POT1: variants seen among roughly 807,000 people sequenced by gnomAD.
POT1 encodes the protein protection of telomeres protein 1.
POT1 carries 47 observed loss-of-function variants against 78.5 expected under a neutral mutation model. The observed-to-expected ratio is 0.60, with a 90% confidence interval of 0.47 to 0.76. The LOEUF (loss-of-function observed/expected upper bound fraction) is 0.76, where lower values mean the gene tolerates loss of function less well. Among genes scored for constraint, POT1 ranks in the 30% least tolerant of loss-of-function variants. POT1 has a pLI of 0.00. For synonymous variants in POT1, 259 were observed against 260.7 expected (o/e 0.99, Z 0.06); for missense variants, 646 against 749.9 (o/e 0.86, Z 1.62).
chr7:124,926,037 T>C (rs774819651), intron 2 of POT1, among the ~76,000 whole-genome samples: 18 of 152,156 alleles, frequency 1.2e-4, no homozygotes, highest in Non-Finnish European at 1.3e-4. Flanking sequence ...CTTCTAGATA[T>C]TGGTTTAGGC....
intron 3 of POT1, among the ~76,000 whole-genome samples, chr7:124,908,534 A>G (rs1260547329): frequency 6.6e-6 from 1 of 151,930 alleles, no homozygotes; most frequent in African/African-American, 2.4e-5. Context: ...TGTATATGCT[A>G]TTCTCTCTTT....
intron 5 of POT1, among the ~76,000 whole-genome samples, chr7:124,896,539 A>C (rs1448583669): frequency 2.0e-5 from 3 of 151,586 alleles, no homozygotes; most frequent in African/African-American, 7.2e-5. Flanking sequence ...ATTTGAAACT[A>C]AAGGTTCAAA....
intron 15 of POT1, among the ~76,000 whole-genome samples, chr7:124,832,821 CA>C (rs36025106): frequency 0.45 from 51,565 of 113,988 alleles, 9,137 homozygotes; most frequent in East Asian, 0.53. Flanking sequence ...GACTTCATCT[CA>C]AAAAAAAAAA....
rs948824885 is a variant in POT1, at chr7:124,929,801, C to G, written c.-419G>C. The G allele has an allele frequency of 6.6e-6, 1 of 152,278 alleles. No individual in the cohort carries two copies. Among genetic ancestry groups the G allele is most frequent in the Non-Finnish European group, 1.5e-5 (1 of 68,094 alleles). 9.4% of individuals were successfully genotyped at this position (152,278 alleles called of 1,614,324 possible). On this transcript the variant is annotated 5_prime_UTR_variant, in exon 1 of 19. Transcript: ENST00000357628. ...CTTACAAATTTCACTCACCCGTACT[C>G]TAGAAAGAACCCTAGGAAGAGTTTA...
chr7:124,924,170 C>T (rs1320013596), intron 2 of POT1, among the ~76,000 whole-genome samples: 2 of 118,362 alleles, frequency 1.7e-5, no homozygotes, highest in East Asian at 5.0e-4. Flanking sequence ...AAAAAAAAAA[C>T]CCAAAGGATC....
chr7:124,902,585 A>G (rs1292751055), intron 3 of POT1, among the ~76,000 whole-genome samples: 1 of 152,244 alleles, frequency 6.6e-6, no homozygotes, highest in African/African-American at 2.4e-5. Context: ...CAAATTGTAA[A>G]GACCATTGAG....
intron 2 of POT1, among the ~76,000 whole-genome samples, chr7:124,926,038 T>TATA (rs1797264442): frequency 6.6e-6 from 1 of 152,148 alleles, no homozygotes; most frequent in South Asian, 2.1e-4. Flanking sequence ...TTCTAGATAT[T>TATA]GGTTTAGGCA....
At chr7:124,824,205 C>G in intron 18 of POT1, 131 bp from the exon 19 acceptor site, 1 of 574,336 alleles carries the variant, frequency 1.7e-6, no homozygotes, top group Non-Finnish European at 3.0e-6. Context: ...AAGTAAACGT[C>G]CCTTCCAAAT....
chr7:124,857,487 C>A (rs2116519732), intron 9 of POT1, among the ~76,000 whole-genome samples: 2 of 152,306 alleles, frequency 1.3e-5, no homozygotes, highest in East Asian at 3.9e-4. Context: ...CCATGGCCCA[C>A]CCCACCTGAC....
rs1219020074 is a variant in POT1 at position 124,867,655 on chromosome 7, T to A, written c.255+3256A>T. Among the ~76,000 whole-genome samples the A allele has an allele frequency of 2.0e-5, 3 of 151,606 alleles. No homozygotes were observed. The East Asian group carries it at 5.8e-4, about 29-fold the overall frequency. On this transcript the variant is annotated intron_variant, in intron 7 of 18. Coordinates refer to ENST00000357628, the MANE Select transcript of POT1 (RefSeq NM_015450.3). ...TTATTTTTATTTATTTATTTATTTATTATTTTTTTTGGATGGAGTCGTGCT... is the reference window on the plus strand; with the variant it reads ...TTATTTTTATTTATTTATTTATTTAATATTTTTTTTGGATGGAGTCGTGCT...
At chr7:124,878,088 T>C (rs943688878) in intron 6 of POT1, among the ~76,000 whole-genome samples, 1 of 151,988 alleles carries the variant, frequency 6.6e-6, no homozygotes, top group African/African-American at 2.4e-5. Context: ...CCCAGCATTT[T>C]AGGAGGCCAA....
chr7:124,883,146 T>C (rs1229076564), intron 6 of POT1, among the ~76,000 whole-genome samples: 1 of 152,088 alleles, frequency 6.6e-6, no homozygotes, highest in Non-Finnish European at 1.5e-5. Context: ...TATTTATTTT[T>C]TGACTCCTGA....
chr7:124,892,358 T>C lies in POT1; in HGVS notation c.32A>G (p.Tyr11Cys), dbSNP rs1796392612. 6.7e-7 allele frequency: 1 copy of C among 1,483,486 alleles called. No homozygotes were observed. Among genetic ancestry groups the C allele is most frequent in the Non-Finnish European group, 8.9e-7 (1 of 1,121,292 alleles). The allele number at this position is 1,483,486 out of a possible 1,614,324, so 91.9% of individuals were successfully genotyped here. ...ACCCTTAAGTTGATTCAGGGGTGTA[T>C]ATATATAATTTGTTGCTGGAACCTA... MSLVPATNYIYTPLNQLKGGT... is the reference protein window; with the variant it reads MSLVPATNYICTPLNQLKGGT... Residue 11 changes from tyrosine to cysteine, a missense_variant, in exon 6 of 19, where the codon TAT (tyrosine) becomes TGT (cysteine). Physicochemically the swap from Tyr to Cys is radical, Grantham distance 194. Coordinates refer to ENST00000357628, the MANE Select transcript of POT1 (RefSeq NM_015450.3).
Position 124,823,894 on chromosome 7 carries a change from C to A in POT1, c.*68G>T. On this transcript the variant is annotated 3_prime_UTR_variant, in exon 19 of 19. Coordinates refer to ENST00000357628, the MANE Select transcript of POT1 (RefSeq NM_015450.3). Reference sequence around the variant, plus strand: ...AACATTGCTGATACAAAACTCAGGTCAGGAAAAGAAGCTCAAACAGGGAAG... The same window carrying A: ...AACATTGCTGATACAAAACTCAGGTAAGGAAAAGAAGCTCAAACAGGGAAG... 1.0e-6 allele frequency: 1 copy of A among 992,156 alleles called. No homozygotes were observed. The highest frequency in any genetic ancestry group is 2.5e-5 in the East Asian group (1 of 39,634). 61.5% of individuals were successfully genotyped at this position (992,156 alleles called of 1,614,324 possible). A position where few individuals can be genotyped will look rare whatever the true frequency, so the allele number is the denominator to read the frequency against.
intron 7 of POT1, among the ~76,000 whole-genome samples, chr7:124,864,577 G>A (rs1324534090): frequency 5.3e-5 from 8 of 150,636 alleles, no homozygotes; most frequent in African/African-American, 1.5e-4. Flanking sequence ...GCTCCATTTC[G>A]TTCTTCTTAG....
At chr7:124,872,054 C>A (rs1584778424) in intron 6 of POT1, among the ~76,000 whole-genome samples, 1 of 152,106 alleles carries the variant, frequency 6.6e-6, no homozygotes, top group Non-Finnish European at 1.5e-5. Flanking sequence ...CTGGCAACAA[C>A]CATTCTACTC....
At chr7:124,921,835 C>A (rs1383800600) in intron 2 of POT1, among the ~76,000 whole-genome samples, 1 of 151,540 alleles carries the variant, frequency 6.6e-6, no homozygotes, top group Non-Finnish European at 1.5e-5. Context: ...TAATTGGCAT[C>A]CCAAAAAAGA....
At chr7:124,894,049 G>A (rs1448321552) in intron 5 of POT1, among the ~76,000 whole-genome samples, 3 of 151,528 alleles carry the variant, frequency 2.0e-5, no homozygotes, top group Admixed American at 2.0e-4. Flanking sequence ...GGACATGTTT[G>A]CATATTAACA....
chr7:124,829,757 C>T (rs1392295181), intron 15 of POT1, among the ~76,000 whole-genome samples: 2 of 151,316 alleles, frequency 1.3e-5, no homozygotes, highest in African/African-American at 2.4e-5. Flanking sequence ...GACAAGGTCT[C>T]ACTCTGTCAC....
Sources: allele counts gnomAD v4.1 joint callset (sites outside exome capture counted in the v4.1 genomes callset), GRCh38; gene constraint gnomAD v4.1.1; transcripts MANE v1.5; gene names NCBI Gene and HGNC (gene_info 2026-07-23, HGNC 2026-07-21).